Variants in KIF3C observed in about 807,000 individuals in gnomAD.
KIF3C encodes the protein kinesin family member 3C, also known as kinesin-like protein KIF3C.
Under a neutral mutation model 67.7 loss-of-function variants are expected in KIF3C, and 12 were observed. The observed-to-expected ratio is 0.18, with a 90% confidence interval of 0.11 to 0.29. The LOEUF (loss-of-function observed/expected upper bound fraction) is 0.29. Ranked by LOEUF, KIF3C falls within the 10% of genes least tolerant of loss-of-function variation. The probability of loss-of-function intolerance (pLI) is 1.00; values close to 1 mark genes in which losing one functional copy is unlikely to be tolerated. For missense variants in KIF3C, 789 were observed against 1,059.6 expected (o/e 0.74, Z 3.55); for synonymous variants, 393 against 426.2 (o/e 0.92, Z 0.96).
intron 1 of KIF3C, among the ~76,000 whole-genome samples, chr2:25,960,001 C>T (rs753356249): frequency 1.3e-5 from 2 of 152,154 alleles, no homozygotes; most frequent in Non-Finnish European, 2.9e-5. Flanking sequence ...CCCTGAGACC[C>T]TTCATTTTCC....
At chr2:25,971,632 G>A (rs529887777) in intron 1 of KIF3C, among the ~76,000 whole-genome samples, 10 of 152,188 alleles carry the variant, frequency 6.6e-5, no homozygotes, top group Admixed American at 4.6e-4. Flanking sequence ...GTCCTATAAG[G>A]TCTGAGCATG....
chr2:25,974,100 T>C (rs962833341), intron 1 of KIF3C, among the ~76,000 whole-genome samples: 1 of 152,190 alleles, frequency 6.6e-6, no homozygotes, highest in African/African-American at 2.4e-5. Flanking sequence ...AGACGGAGTC[T>C]CACTCTGTCA....
At position 25,980,610 on chromosome 2, in the gene KIF3C, ATCC is replaced by A; in HGVS notation, c.1305_1307del (p.Glu435del). 1 of 1,613,760 alleles carries A rather than the reference ATCC, an allele frequency of 6.2e-7. No homozygotes were observed. Among genetic ancestry groups the A allele is most frequent in the Non-Finnish European group, 8.5e-7 (1 of 1,179,964 alleles). On this transcript the variant is annotated inframe_deletion, in exon 1 of 8. Coordinates refer to ENST00000264712, the MANE Select transcript of KIF3C (RefSeq NM_002254.8). The surrounding 1 kb of genome is among the most constrained non-coding windows in gnomAD (Gnocchi z 7.6). ...GCGGGCGGTGGTTGTTGTTGTTGTC[ATCC>A]TCCTCTTCTGCCACCCAGGCCTCAA...
intron 1 of KIF3C, among the ~76,000 whole-genome samples, chr2:25,962,165 T>A (rs554608376): frequency 1.8e-4 from 27 of 152,252 alleles, no homozygotes; most frequent in African/African-American, 6.5e-4. Flanking sequence ...GGTAATACAT[T>A]TACGAAATTT....
At chr2:25,959,976 G>A (rs1351339442) in intron 1 of KIF3C, among the ~76,000 whole-genome samples, 1 of 152,182 alleles carries the variant, frequency 6.6e-6, no homozygotes, top group African/African-American at 2.4e-5. Flanking sequence ...TCTGGGACAC[G>A]CTTGTCCATT....
In KIF3C at chr2:25,971,871, C is replaced by CTTTTTTTTTTTTTTTTTTTTT. The variant is rs70950146; in HGVS notation, c.1545+8481_1545+8501dup. Among the ~76,000 whole-genome samples the CTTTTTTTTTTTTTTTTTTTTT allele has an allele frequency of 2.6e-4, 14 of 53,810 alleles. 3 individuals carry two copies. Among genetic ancestry groups the CTTTTTTTTTTTTTTTTTTTTT allele is most frequent in the Non-Finnish European group, 3.7e-4 (10 of 26,868 alleles). 35.3% of individuals were successfully genotyped at this position (53,810 alleles called of 152,430 possible). A position where few individuals can be genotyped will look rare whatever the true frequency, so the allele number is the denominator to read the frequency against. On this transcript the variant is annotated intron_variant, in intron 1 of 7. Coordinates refer to ENST00000264712, the MANE Select transcript of KIF3C (RefSeq NM_002254.8). ...TACAGGCATGCAGTACCATGCCTAG[C>CTTTTTTTTTTTTTTTTTTTTT]TTTTTTTTTTTTTTTTTTTTTTTTT...
chr2:25,951,667 A>G, intron 5 of KIF3C, 122 bp downstream of exon 5: 1 of 661,162 alleles, frequency 1.5e-6, no homozygotes, highest in Non-Finnish European at 2.7e-6. Flanking sequence ...CATCCTCCCC[A>G]TCTTTTCCCC....
intron 1 of KIF3C, among the ~76,000 whole-genome samples, chr2:25,970,896 C>T (rs1027221328): frequency 7.7e-6 from 1 of 129,946 alleles, no homozygotes; most frequent in Non-Finnish European, 1.6e-5. Flanking sequence ...GAGTCCGAGG[C>T]GGGTGGATCA....
At chr2:25,977,937 T>G (rs542174617) in intron 1 of KIF3C, among the ~76,000 whole-genome samples, 1 of 152,294 alleles carries the variant, frequency 6.6e-6, no homozygotes, top group African/African-American at 2.4e-5. Context: ...TCACAGGGTA[T>G]GGAATCATTC....
chr2:25,933,150 C>T (rs910916842), intron 5 of KIF3C, among the ~76,000 whole-genome samples: 2 of 151,460 alleles, frequency 1.3e-5, no homozygotes, highest in Non-Finnish European at 1.5e-5. Flanking sequence ...ACTTGGGAGG[C>T]TGAGACAGGA....
chr2:25,981,164 T>G lies in KIF3C; in HGVS notation c.754A>C (p.Arg252=). 6.2e-7 allele frequency: 1 copy of G among 1,614,074 alleles called. No homozygotes were observed. Among genetic ancestry groups the G allele is most frequent in the African/African-American group, 1.3e-5 (1 of 75,042 alleles). ...GTGTTGGGGCCTGCCTTGTTCTGCC[T>G]CTCGCTGCCAGCCAGGTCCACGAGG... The part of the protein sequence containing the change: ...LNLVDLAGSE[R]QNKAGPNTAG... Residue 252 remains arginine (R), a synonymous_variant, in exon 1 of 8, where the codon AGG becomes CGG. Transcript: ENST00000264712. The surrounding 1 kb of genome is among the most constrained non-coding windows in gnomAD (Gnocchi z 8.2).
intron 1 of KIF3C, among the ~76,000 whole-genome samples, chr2:25,962,782 A>C: frequency 1.0e-5 from 1 of 95,506 alleles, no homozygotes; most frequent in African/African-American, 4.6e-5. Context: ...TATATGTTAT[A>C]TATATAATAT....
At chr2:25,949,535 C>T (rs937428897) in intron 5 of KIF3C, among the ~76,000 whole-genome samples, 1 of 151,478 alleles carries the variant, frequency 6.6e-6, no homozygotes, top group African/African-American at 2.4e-5. Context: ...CAGAGTGAGA[C>T]CCTGTCTCAA....
Position 25,963,196 on chromosome 2 carries a change from A to ATTTT in KIF3C, c.1546-6756_1546-6753dup. The stretch of plus-strand genomic sequence containing the variant: ...TGTGTATATATATATATATATATAT[A>ATTTT]TTTTTTTTTTTTTTTTTTTTTTTTT... On this transcript the variant is annotated intron_variant, in intron 1 of 7. Coordinates refer to ENST00000264712, the MANE Select transcript of KIF3C (RefSeq NM_002254.8). Among the ~76,000 whole-genome samples the ATTTT allele has an allele frequency of 5.8e-4, 25 of 43,298 alleles. 3 individuals carry two copies. Among genetic ancestry groups the ATTTT allele is most frequent in the Non-Finnish European group, 8.0e-4 (22 of 27,510 alleles). 28.4% of individuals were successfully genotyped at this position (43,298 alleles called of 152,430 possible). A position where few individuals can be genotyped will look rare whatever the true frequency, so the allele number is the denominator to read the frequency against.
intron 1 of KIF3C, among the ~76,000 whole-genome samples, chr2:25,966,358 G>T (rs1017071214): frequency 1.3e-5 from 2 of 152,060 alleles, no homozygotes; most frequent in Non-Finnish European, 2.9e-5. Flanking sequence ...CACCCACCTT[G>T]ACCTTCCAAA....
chr2:25,952,566 T>A (rs1463364407), intron 4 of KIF3C, among the ~76,000 whole-genome samples: 37 of 127,528 alleles, frequency 2.9e-4, no homozygotes, highest in African/African-American at 3.9e-4. Flanking sequence ...TATATATATT[T>A]TTTTTTTTTT....
intron 1 of KIF3C, among the ~76,000 whole-genome samples, chr2:25,973,553 CAAAA>C (rs5829988): frequency 5.6e-5 from 6 of 106,822 alleles, no homozygotes; most frequent in Admixed American, 9.9e-5. Flanking sequence ...GACTCTGTCT[CAAAA>C]AAAAAAAAAA....
Position 25,980,538 on chromosome 2 carries a change from G to A in KIF3C, c.1380C>T (p.Tyr460=), listed in dbSNP as rs80296895. ...ESALEKNMEN[Y]LQEQKERLEE... ...CCAGCCGCTCCTTCTGTTCCTGCAG[G>A]TAATTCTCCATGTTCTTCTCCAAGG... is the stretch of plus-strand genomic sequence containing the variant. The change falls in exon 1 of 8, where the codon TAC becomes TAT. Residue 460 remains tyrosine (Y), a synonymous_variant. Transcript: ENST00000264712. The surrounding 1 kb of genome is among the most constrained non-coding windows in gnomAD (Gnocchi z 7.6). 8.3e-3 allele frequency: 13,457 copies of A among 1,614,102 alleles called. 262 individuals are homozygous for A. Among genetic ancestry groups the A allele is most frequent in the South Asian group, 0.051 (4,662 of 91,082 alleles).
intron 1 of KIF3C, among the ~76,000 whole-genome samples, chr2:25,962,836 A>ATATAAT (rs1663996614): frequency 6.9e-5 from 4 of 58,298 alleles, no homozygotes; most frequent in Admixed American, 2.8e-4. Context: ...AAATATATAA[A>ATATAAT]ATATATAATA....
Sources: gnomAD v4.1 joint callset for allele counts (sites outside exome capture counted in the v4.1 genomes callset) on GRCh38, gnomAD v4.1.1 for gene constraint, Gnocchi (gnomAD v3.1) non-coding constraint, MANE v1.5 for transcripts, NCBI Gene and HGNC (gene_info 2026-07-23, HGNC 2026-07-21) for gene names.